Variants in SAMD3 observed in about 807,000 individuals in gnomAD.
The protein encoded by SAMD3 is sterile alpha motif domain containing 3, also known as sterile alpha motif domain-containing protein 3.
Under a neutral mutation model 58.5 loss-of-function variants are expected in SAMD3, and 63 were observed. The ratio of observed to expected loss-of-function variants is 1.08; its 90% CI spans 0.88 to 1.33. SAMD3 has a LOEUF of 1.33. Ranked by LOEUF, SAMD3 falls within the 40% of genes most tolerant of loss-of-function variation. SAMD3 has a pLI of 0.00. For synonymous variants in SAMD3, 220 were observed against 210.3 expected, an observed-to-expected ratio of 1.05 and a Z score of -0.40; for missense variants, 604 against 608.4, an observed-to-expected ratio of 0.99 and a Z score of 0.08.
chr6:130,166,298 G>A (rs1156507843), intron 8 of SAMD3, among the ~76,000 whole-genome samples: 2 of 151,918 alleles, frequency 1.3e-5, no homozygotes, highest in Non-Finnish European at 2.9e-5. Flanking sequence ...ATCTTCCACT[G>A]GGCAACAAAA....
chr6:130,215,835 T>A, intron 2 of SAMD3: 1 of 1,534,930 alleles, frequency 6.5e-7, no homozygotes, highest in South Asian at 1.2e-5. Flanking sequence ...GATTGTAACT[T>A]GCTGCTTCTC....
At chr6:130,318,801 G>A (rs548716201) in intron 1 of SAMD3, among the ~76,000 whole-genome samples, 3 of 152,152 alleles carry the variant, frequency 2.0e-5, no homozygotes, top group Non-Finnish European at 4.4e-5. Flanking sequence ...AGAATAATTA[G>A]TTGAAATTAG....
At chr6:130,235,579 A>G (rs1405097161) in intron 2 of SAMD3, among the ~76,000 whole-genome samples, 1 of 152,202 alleles carries the variant, frequency 6.6e-6, no homozygotes, top group African/African-American at 2.4e-5. Flanking sequence ...TCATGGCCTG[A>G]GGCTTTCAAA....
intron 5 of SAMD3, among the ~76,000 whole-genome samples, chr6:130,198,823 C>G (rs940148770): frequency 1.2e-4 from 18 of 152,266 alleles, no homozygotes; most frequent in African/African-American, 4.1e-4. Context: ...AAGCTGTTTT[C>G]TAAGCATCTC....
chr6:130,324,603 T>C (rs1776694777), intron 1 of SAMD3, among the ~76,000 whole-genome samples: 1 of 152,220 alleles, frequency 6.6e-6, no homozygotes, highest in Non-Finnish European at 1.5e-5. Flanking sequence ...AAGTTATTTC[T>C]CTTTTCTTAA....
chr6:130,309,930 G>C (rs1776084310), intron 2 of SAMD3, among the ~76,000 whole-genome samples: 1 of 152,178 alleles, frequency 6.6e-6, no homozygotes, highest in Admixed American at 6.5e-5. Flanking sequence ...TGAAGAGAGA[G>C]AGAGGGAGAG....
chr6:130,334,207 A>G (rs996243579), intron 1 of SAMD3, among the ~76,000 whole-genome samples: 3 of 152,266 alleles, frequency 2.0e-5, no homozygotes, highest in East Asian at 1.9e-4. Flanking sequence ...AAGCACAACC[A>G]CGCTCATTGC....
chr6:130,260,731 C>A (rs1830556), intron 2 of SAMD3, among the ~76,000 whole-genome samples: 8 of 151,974 alleles, frequency 5.3e-5, no homozygotes, highest in Non-Finnish European at 1.0e-4. Flanking sequence ...CCAAGCCATG[C>A]GGATCCTGAG....
intron 8 of SAMD3, among the ~76,000 whole-genome samples, chr6:130,167,360 TAAA>T (rs972688137): frequency 7.2e-5 from 11 of 152,120 alleles, no homozygotes; most frequent in African/African-American, 2.4e-4. Flanking sequence ...AAAGGAATAA[TAAA>T]ACCAGAAAAA....
At chr6:130,298,676 GAC>G (rs1290602153) in intron 2 of SAMD3, among the ~76,000 whole-genome samples, 2 of 152,216 alleles carry the variant, frequency 1.3e-5, no homozygotes, top group African/African-American at 2.4e-5. Context: ...TCACTTAAAA[GAC>G]ACAGAGTGGC....
intron 7 of SAMD3, among the ~76,000 whole-genome samples, chr6:130,182,397 A>G (rs1792439475): frequency 6.6e-6 from 1 of 152,172 alleles, no homozygotes; most frequent in Admixed American, 6.5e-5. Flanking sequence ...TCATTTTTCC[A>G]GACATGGTAT....
Position 130,180,956 on chromosome 6 carries a change from T to TC in SAMD3, c.654+3146_654+3147insG, listed in dbSNP as rs1554257133. Among the ~76,000 whole-genome samples the TC allele has an allele frequency of 3.9e-4, 53 of 134,420 alleles. 1 individual carries two copies. The highest frequency in any genetic ancestry group is 3.1e-3 in the Admixed American group (42 of 13,476). 88.2% of individuals were successfully genotyped at this position (134,420 alleles called of 152,430 possible). ...TCTTTTTTCTTTTTCTTTCTTTCTT[T>TC]TTTCTTTTGAGACGGAGTTCCGCTC... On this transcript the variant is annotated intron_variant, in intron 7 of 11. Coordinates refer to ENST00000439090, the MANE Select transcript of SAMD3 (RefSeq NM_001017373.4).
At chr6:130,206,638 G>A (rs1409287675) in intron 5 of SAMD3, among the ~76,000 whole-genome samples, 1 of 152,204 alleles carries the variant, frequency 6.6e-6, no homozygotes, top group East Asian at 1.9e-4. Flanking sequence ...TAATTCTAAG[G>A]TGCGGTATGC....
At chr6:130,147,078 C>T (rs1217375795) in intron 9 of SAMD3, among the ~76,000 whole-genome samples, 1 of 152,176 alleles carries the variant, frequency 6.6e-6, no homozygotes, top group African/African-American at 2.4e-5. Context: ...ACTACCCCAT[C>T]CTACCACTGC....
intron 8 of SAMD3, among the ~76,000 whole-genome samples, chr6:130,158,537 A>T (rs1789998052): frequency 6.6e-6 from 1 of 152,182 alleles, no homozygotes; most frequent in African/African-American, 2.4e-5. Flanking sequence ...GCAAAAACTT[A>T]AAAAAATTTA....
chr6:130,299,889 A>G (rs745613352), intron 2 of SAMD3, among the ~76,000 whole-genome samples: 8 of 152,074 alleles, frequency 5.3e-5, no homozygotes, highest in Non-Finnish European at 1.2e-4. Context: ...GAAACATGAA[A>G]CCTCCCAAGA....
chr6:130,341,403 CT>C (rs1203570207), intron 1 of SAMD3, among the ~76,000 whole-genome samples: 1 of 152,192 alleles, frequency 6.6e-6, no homozygotes, highest in Non-Finnish European at 1.5e-5. Context: ...ATTTCTCTCA[CT>C]TAAGAACCTG....
At chr6:130,195,272 A>G (rs980260888) in intron 5 of SAMD3, among the ~76,000 whole-genome samples, 5 of 152,036 alleles carry the variant, frequency 3.3e-5, no homozygotes, top group Non-Finnish European at 5.9e-5. Flanking sequence ...GTGACCGATT[A>G]TGCACCCCTT....
chr6:130,334,865 G>A (rs1777054247), intron 1 of SAMD3, among the ~76,000 whole-genome samples: 1 of 152,200 alleles, frequency 6.6e-6, no homozygotes, highest in African/African-American at 2.4e-5. Flanking sequence ...GCAGGGAGAT[G>A]TGAACAACCA....
Sources: gnomAD v4.1 joint callset for allele counts (sites outside exome capture counted in the v4.1 genomes callset) on GRCh38, gnomAD v4.1.1 for gene constraint, MANE v1.5 for transcripts, NCBI Gene and HGNC (gene_info 2026-07-23, HGNC 2026-07-21) for gene names.